The following FRAS1 variants were observed in gnomAD, a reference collection of about 807,000 sequenced individuals.
The protein encoded by FRAS1 is Fraser extracellular matrix complex subunit 1.
In FRAS1, 290 loss-of-function variants were observed where a neutral mutation model predicts 435.2. That is an observed-to-expected ratio of 0.67 (90% CI 0.61 to 0.73). FRAS1 has a LOEUF of 0.73. FRAS1 is among the 30% of genes least tolerant of loss of function. FRAS1 has a pLI of 0.00. For synonymous variants in FRAS1, 1,800 were observed against 1,851.0 expected, an observed-to-expected ratio of 0.97 and a Z score of 0.71; for missense variants, 4,860 against 5,001.5, an observed-to-expected ratio of 0.97 and a Z score of 0.85.
chr4:78,375,675 C>CT (rs1320106799), intron 25 of FRAS1, 64 bp from the exon 26 acceptor site: 3 of 1,441,106 alleles, frequency 2.1e-6, no homozygotes, highest in African/African-American at 2.9e-5. Context: ...GTTGCAAGCC[C>CT]TTTATTTCTT....
intron 2 of FRAS1, among the ~76,000 whole-genome samples, chr4:78,072,407 G>A (rs1427369225): frequency 2.0e-5 from 3 of 152,138 alleles, no homozygotes; most frequent in East Asian, 3.9e-4. Flanking sequence ...ATTCATCAAC[G>A]TGCTCAAGAG....
chr4:78,388,186 G>A (rs1447845474), intron 29 of FRAS1, among the ~76,000 whole-genome samples: 6 of 151,948 alleles, frequency 3.9e-5, no homozygotes, highest in East Asian at 1.9e-4. Context: ...TTCGCTGGGC[G>A]TGGTGGCGGG....
chr4:78,155,293 T>C (rs1172445213), intron 2 of FRAS1, among the ~76,000 whole-genome samples: 1 of 152,164 alleles, frequency 6.6e-6, no homozygotes, highest in Non-Finnish European at 1.5e-5. Flanking sequence ...GTTAATATGA[T>C]CTAAACAATA....
Position 78,320,671 on chromosome 4 carries a change from C to T in FRAS1, c.2137+1685C>T, listed in dbSNP as rs150064556. Among the ~76,000 whole-genome samples, 897 of 152,214 alleles carry T rather than the reference C, an allele frequency of 5.9e-3. 10 individuals are homozygous for T. The highest frequency in any genetic ancestry group is 0.033 in the South Asian group (161 of 4,810). Reference sequence around the variant, plus strand: ...TCCCTCCCTCCTTCTGTCTCTCTCTCTCTCTCTCTCCCGCATTTTACAGAA... The same window carrying T: ...TCCCTCCCTCCTTCTGTCTCTCTCTTTCTCTCTCTCCCGCATTTTACAGAA... On this transcript the variant is annotated intron_variant, in intron 18 of 73. Transcript: ENST00000512123.
intron 14 of FRAS1, among the ~76,000 whole-genome samples, chr4:78,288,469 G>A (rs1441282061): frequency 6.6e-6 from 1 of 152,052 alleles, no homozygotes; most frequent in East Asian, 1.9e-4. Flanking sequence ...TGTTTTAATT[G>A]GTGATGCTAA....
chr4:78,521,306 A>G (rs1281144910), intron 67 of FRAS1, among the ~76,000 whole-genome samples: 1 of 152,160 alleles, frequency 6.6e-6, no homozygotes, highest in African/African-American at 2.4e-5. Flanking sequence ...TATGTCAAGA[A>G]CAGTGGAACC....
intron 14 of FRAS1, among the ~76,000 whole-genome samples, chr4:78,303,018 T>C (rs1728498117): frequency 6.6e-6 from 1 of 152,172 alleles, no homozygotes; most frequent in Non-Finnish European, 1.5e-5. Flanking sequence ...TTAATCCATC[T>C]TGAATTGATT....
intron 35 of FRAS1, among the ~76,000 whole-genome samples, chr4:78,424,776 TA>T (rs111683592): frequency 0.024 from 3,321 of 140,120 alleles, 107 homozygotes; most frequent in African/African-American, 0.078. Flanking sequence ...ACCTTGTCTA[TA>T]AAAAAAAAAA....
At chr4:78,458,158 G>A (rs2109841228) in intron 47 of FRAS1, among the ~76,000 whole-genome samples, 1 of 152,322 alleles carries the variant, frequency 6.6e-6, no homozygotes, top group East Asian at 1.9e-4. Context: ...TGTGTGAGCT[G>A]CAGGATAGTT....
Position 78,472,742 on chromosome 4 carries a change from C to T in FRAS1, c.7522+412C>T, listed in dbSNP as rs150547210. The stretch of plus-strand genomic sequence containing the variant: ...AGGATTATAGACTTTAAGTCTTCAG[C>T]CTAGAAATTAAAATCAACATGTATA... On this transcript the variant is annotated intron_variant, in intron 52 of 73. Transcript: ENST00000512123. Among the ~76,000 whole-genome samples the T allele has an allele frequency of 6.1e-4, 93 of 152,248 alleles. 1 individual carries two copies. In the Middle Eastern group the frequency reaches 0.024, roughly 39 times the overall value.
chr4:78,478,206 A>C, intron 55 of FRAS1, 145 bp downstream of exon 55: 1 of 898,774 alleles, frequency 1.1e-6, no homozygotes. Flanking sequence ...TCCCACAACA[A>C]CCCTGATGAT....
chr4:78,165,158 A>G (rs1721285351), intron 2 of FRAS1, among the ~76,000 whole-genome samples: 1 of 152,208 alleles, frequency 6.6e-6, no homozygotes. Context: ...TAAAGGTATG[A>G]TAGAGCTGAC....
intron 70 of FRAS1, among the ~76,000 whole-genome samples, chr4:78,527,486 A>C (rs1384641565): frequency 6.6e-6 from 1 of 152,218 alleles, no homozygotes; most frequent in East Asian, 1.9e-4. Flanking sequence ...AGCTGAGCAA[A>C]GTATATAGAA....
chr4:78,114,445 A>T (rs1294612757), intron 2 of FRAS1, among the ~76,000 whole-genome samples: 1 of 152,074 alleles, frequency 6.6e-6, no homozygotes, highest in African/African-American at 2.4e-5. Context: ...CATGATATTG[A>T]TTCTTCCTGC....
chr4:78,361,218 C>A (rs1316021541), intron 20 of FRAS1, among the ~76,000 whole-genome samples: 4 of 152,184 alleles, frequency 2.6e-5, no homozygotes, highest in Non-Finnish European at 5.9e-5. Context: ...GTGCTCCTGG[C>A]ACTGTAAGGA....
intron 17 of FRAS1, among the ~76,000 whole-genome samples, chr4:78,317,831 T>A (rs1729341135): frequency 6.6e-6 from 1 of 152,248 alleles, no homozygotes; most frequent in Non-Finnish European, 1.5e-5. Flanking sequence ...TTCTTAGACT[T>A]CATTTTGTTT....
intron 20 of FRAS1, among the ~76,000 whole-genome samples, chr4:78,343,590 T>C (rs555775734): frequency 6.6e-6 from 1 of 152,172 alleles, no homozygotes; most frequent in Non-Finnish European, 1.5e-5. Flanking sequence ...CACTTTTGAG[T>C]CCTTTCCATG....
At chr4:78,460,303 G>A (rs991168131) in intron 47 of FRAS1, among the ~76,000 whole-genome samples, 5 of 152,188 alleles carry the variant, frequency 3.3e-5, no homozygotes, top group Admixed American at 1.3e-4. Flanking sequence ...GACTGACAGG[G>A]TTAATGTGGG....
intron 47 of FRAS1, among the ~76,000 whole-genome samples, chr4:78,457,659 T>C (rs957082700): frequency 6.6e-6 from 1 of 152,216 alleles, no homozygotes; most frequent in Admixed American, 6.5e-5. Context: ...GTGAGTGCCC[T>C]CAAGGACGAG....
Sources: allele counts gnomAD v4.1 joint callset (sites outside exome capture counted in the v4.1 genomes callset), GRCh38; gene constraint gnomAD v4.1.1; transcripts MANE v1.5; gene names NCBI Gene and HGNC (gene_info 2026-07-23, HGNC 2026-07-21).